PPEF1: variants seen among roughly 807,000 people sequenced by gnomAD.
PPEF1 encodes the protein protein phosphatase with EF-hand domain 1.
PPEF1 carries 12 observed loss-of-function variants against 53.3 expected under a neutral mutation model. That is an observed-to-expected ratio of 0.23 (90% confidence interval 0.14 to 0.36). PPEF1 has a LOEUF of 0.36. Ranked by LOEUF, PPEF1 falls within the 10% of genes least tolerant of loss-of-function variation. PPEF1 has a pLI of 1.00. For missense variants in PPEF1, 334 were observed against 490.4 expected (o/e 0.68, Z 3.01); for synonymous variants, 165 against 176.7 (o/e 0.93, Z 0.52).
intron 5 of PPEF1, 133 bp from the exon 6 acceptor site, chrX:18,761,397 C>A: frequency 1.8e-6 from 1 of 550,903 alleles, no homozygotes; most frequent in Non-Finnish European, 3.1e-6. Flanking sequence ...AATTGCCTGT[C>A]AAATTAACAT....
intron 1 of PPEF1, 107 bp from the exon 2 acceptor site, chrX:18,730,074 C>A: frequency 1.2e-6 from 1 of 810,966 alleles, no homozygotes; most frequent in Non-Finnish European, 1.7e-6. Flanking sequence ...TTCTTAGAAC[C>A]TAGGAATCCA....
At chrX:18,781,857 A>G (rs2046092914) in intron 7 of PPEF1, among the ~76,000 whole-genome samples, 1 of 111,127 alleles carries the variant, frequency 9.0e-6, no homozygotes, top group Non-Finnish European at 1.9e-5. Context: ...AACCCTCAAT[A>G]CCATTATGGG....
chrX:18,827,287 G>A lies in PPEF1; in HGVS notation c.1762G>A (p.Val588Met), dbSNP rs778812457. Residue 588 changes from valine (V) to methionine (M), a missense_variant, in exon 16 of 16, where the codon GTG (valine) becomes ATG (methionine). Val to Met is a conservative substitution (Grantham distance 21). Transcript: ENST00000470157. ...IDTDHSGLIS[V>M]EEFRAMWKLF... ...CTATATTCTTTTAGGCCTGATCTCCGTGGAAGAATTTCGTGCCATGTGGAA... is the reference window on the plus strand; with the variant it reads ...CTATATTCTTTTAGGCCTGATCTCCATGGAAGAATTTCGTGCCATGTGGAA... 18 of 1,206,293 alleles carry A rather than the reference G, an allele frequency of 1.5e-5. No homozygotes were observed. The highest frequency in any genetic ancestry group is 7.0e-5 in the South Asian group (4 of 56,802).
chrX:18,709,363 G>A (rs1369134675), intron 1 of PPEF1, among the ~76,000 whole-genome samples: 1 of 111,936 alleles, frequency 8.9e-6, no homozygotes, highest in Non-Finnish European at 1.9e-5. Flanking sequence ...TTTTGTGTCT[G>A]GCTTTGTCCA....
rs755593161 is a variant in PPEF1, at chrX:18,818,078, A to G, written c.1434A>G (p.Arg478=). The G allele has an allele frequency of 5.8e-6, 7 of 1,205,453 alleles. No individual in the cohort carries two copies. Among genetic ancestry groups the G allele is most frequent in the Non-Finnish European group, 7.8e-6 (7 of 892,669 alleles). The change falls in exon 13 of 16, where the codon AGA becomes AGG. Residue 478 remains arginine (R), a synonymous_variant. Coordinates refer to ENST00000470157, the MANE Select transcript of PPEF1 (RefSeq NM_001377996.1). ...AAAACAGCGCCATCAAGATATTAAG[A>G]GAGAGAGTGATTTCACGAAAAAGTG... The part of the protein sequence containing the change: ...TMENSAIKIL[R]ERVISRKSDL...
chrX:18,775,188 T>A (rs753666462), intron 6 of PPEF1, among the ~76,000 whole-genome samples: 27 of 108,008 alleles, frequency 2.5e-4, no homozygotes, highest in African/African-American at 9.1e-4. Context: ...CCATTCTTTC[T>A]TCTAGTTACC....
chrX:18,751,661 T>A lies in PPEF1; in HGVS notation c.396+1709T>A, dbSNP rs772880797. Among the ~76,000 whole-genome samples, 11 of 112,028 alleles carry A rather than the reference T, an allele frequency of 9.8e-5. No homozygotes were observed. The East Asian group carries it at 3.1e-3, about 32-fold the overall frequency. On this transcript the variant is annotated intron_variant, in intron 4 of 15. Transcript: ENST00000470157. The stretch of plus-strand genomic sequence containing the variant: ...CAGGCATGGTGGCTCATGCCTGTAA[T>A]CCCAGCTACTCAGGTGGCTGAGGCT...
chrX:18,714,275 T>C (rs1266892813), intron 1 of PPEF1, among the ~76,000 whole-genome samples: 1 of 55,528 alleles, frequency 1.8e-5, no homozygotes, highest in Admixed American at 1.7e-4. Flanking sequence ...TTTCGTTTTT[T>C]TGTTTTTTTT....
intron 3 of PPEF1, among the ~76,000 whole-genome samples, chrX:18,746,758 T>C (rs1275953959): frequency 3.6e-5 from 4 of 112,000 alleles, no homozygotes; most frequent in African/African-American, 1.3e-4. Flanking sequence ...GTAGGTATCG[T>C]GTAGCATAGT....
At chrX:18,728,648 G>A (rs1028769329) in intron 1 of PPEF1, among the ~76,000 whole-genome samples, 2 of 111,250 alleles carry the variant, frequency 1.8e-5, no homozygotes, top group Admixed American at 9.6e-5. Context: ...CTCATGATAC[G>A]TGATGTTGGG....
upstream of PPEF1, among the ~76,000 whole-genome samples, chrX:18,678,174 T>C (rs1200836672): frequency 1.0e-5 from 1 of 99,454 alleles, no homozygotes; most frequent in Non-Finnish European, 2.0e-5. Context: ...CTCACGCTTA[T>C]AATCCCAGCA....
intron 15 of PPEF1, among the ~76,000 whole-genome samples, chrX:18,826,192 T>C (rs769176551): frequency 9.0e-6 from 1 of 111,167 alleles, no homozygotes; most frequent in South Asian, 3.8e-4. Flanking sequence ...TTTAATATTA[T>C]TGTTATTTCA....
rs199621863 is a variant in PPEF1 at position 18,804,048 on chromosome X, G to C, written c.1222G>C (p.Glu408Gln). The change falls in exon 11 of 16, where the codon GAA becomes CAA. Residue 408 changes from glutamate to glutamine, a missense_variant. Physicochemically the swap from Glu to Gln is conservative, Grantham distance 29 (BLOSUM62 2). Transcript: ENST00000470157. The stretch of plus-strand genomic sequence containing the variant: ...CATCAGGTCTCATGAATGTAAGCCC[G>C]AAGGGTATGAAATCTGTCATGATGG... ...MLIRSHECKPEGYEICHDGKV... is the reference protein window; with the variant it reads ...MLIRSHECKPQGYEICHDGKV... 4 of 1,201,820 alleles carry C rather than the reference G, an allele frequency of 3.3e-6. No homozygotes were observed. Among genetic ancestry groups the C allele is most frequent in the Non-Finnish European group, 4.5e-6 (4 of 889,448 alleles).
chrX:18,822,140 TA>T (rs2047074376), intron 13 of PPEF1, among the ~76,000 whole-genome samples: 1 of 112,048 alleles, frequency 8.9e-6, no homozygotes, highest in Non-Finnish European at 1.9e-5. Context: ...TGAAATTTAC[TA>T]GAAGGTGGGT....
At chrX:18,776,054 C>T (rs1169165521) in intron 6 of PPEF1, among the ~76,000 whole-genome samples, 9 of 112,216 alleles carry the variant, frequency 8.0e-5, no homozygotes, top group African/African-American at 2.9e-4. Flanking sequence ...GGCTCCCTGC[C>T]GCTGCTCCTC....
intron 3 of PPEF1, among the ~76,000 whole-genome samples, chrX:18,744,213 CAGA>C (rs1018882557): frequency 8.9e-6 from 1 of 112,031 alleles, no homozygotes; most frequent in Admixed American, 9.5e-5. Context: ...TTTTAGGAAC[CAGA>C]AGGTTATTTA....
chrX:18,727,140 G>A (rs2147356248), intron 1 of PPEF1, among the ~76,000 whole-genome samples: 1 of 112,253 alleles, frequency 8.9e-6, no homozygotes, highest in East Asian at 2.8e-4. Flanking sequence ...AATCCTCACT[G>A]TCTATTTCCA....
chrX:18,763,423 TC>T (rs2045707139), intron 6 of PPEF1, among the ~76,000 whole-genome samples: 1 of 111,971 alleles, frequency 8.9e-6, no homozygotes, highest in Non-Finnish European at 1.9e-5. Flanking sequence ...TTTGTTACAT[TC>T]CAGCCTTTGT....
intron 2 of PPEF1, among the ~76,000 whole-genome samples, chrX:18,732,866 A>G (rs945787820): frequency 8.9e-6 from 1 of 111,865 alleles, no homozygotes; most frequent in Non-Finnish European, 1.9e-5. Flanking sequence ...AATATATTTG[A>G]TATTTAAGAA....
Sources: allele counts gnomAD v4.1 joint callset (sites outside exome capture counted in the v4.1 genomes callset), GRCh38; gene constraint gnomAD v4.1.1; transcripts MANE v1.5; gene names NCBI Gene and HGNC (gene_info 2026-07-23, HGNC 2026-07-21).